MTHFD2L: variants seen among roughly 807,000 people sequenced by gnomAD.
MTHFD2L encodes the protein bifunctional methylenetetrahydrofolate dehydrogenase/cyclohydrolase 2, mitochondrial.
MTHFD2L carries 29 observed loss-of-function variants against 34.9 expected under a neutral mutation model. The ratio of observed to expected loss-of-function variants is 0.83; its 90% confidence interval spans 0.62 to 1.13. The LOEUF (loss-of-function observed/expected upper bound fraction) is 1.13. Ranked by LOEUF, MTHFD2L falls within the 50% of genes most tolerant of loss-of-function variation. The pLI, the probability that MTHFD2L is intolerant of heterozygous loss-of-function variation, is 0.00. For synonymous variants in MTHFD2L, 167 were observed against 155.7 expected (o/e 1.07, Z -0.54); for missense variants, 481 against 446.5 (o/e 1.08, Z -0.70).
At chr4:74,249,577 G>A (rs1032842824) in intron 6 of MTHFD2L, among the ~76,000 whole-genome samples, 2 of 152,056 alleles carry the variant, frequency 1.3e-5, no homozygotes, top group African/African-American at 2.4e-5. Context: ...TCCTAATCTT[G>A]ATGGTCTTTA....
intron 1 of MTHFD2L, among the ~76,000 whole-genome samples, chr4:74,164,346 A>G (rs1393895957): frequency 2.0e-5 from 3 of 152,228 alleles, no homozygotes; most frequent in Middle Eastern, 3.2e-3. Context: ...GTGGAAGAGT[A>G]TTTTGATACA....
upstream of MTHFD2L, chr4:74,157,928 G>T (rs1370867411): frequency 1.1e-5 from 9 of 790,146 alleles, no homozygotes; most frequent in African/African-American, 1.7e-5. Flanking sequence ...TTGGGTCCTG[G>T]CCCCGCCCCC....
intron 6 of MTHFD2L, chr4:74,268,369 C>A: frequency 3.9e-6 from 2 of 516,786 alleles, no homozygotes; most frequent in Non-Finnish European, 5.0e-6. Flanking sequence ...AAGTGATCCA[C>A]CTGAGTAAGC....
chr4:74,226,047 T>C (rs1739112727), intron 6 of MTHFD2L, among the ~76,000 whole-genome samples: 1 of 152,068 alleles, frequency 6.6e-6, no homozygotes, highest in African/African-American at 2.4e-5. Flanking sequence ...TTTATAATAA[T>C]AAAAGCTGCC....
intron 5 of MTHFD2L, among the ~76,000 whole-genome samples, chr4:74,222,225 C>T (rs1041067978): frequency 7.9e-5 from 12 of 151,996 alleles, no homozygotes; most frequent in Admixed American, 4.6e-4. Flanking sequence ...CATTTGTCTG[C>T]GTTTTAGTCT....
chr4:74,197,765 A>G (rs1733739318), intron 3 of MTHFD2L, among the ~76,000 whole-genome samples: 1 of 152,320 alleles, frequency 6.6e-6, no homozygotes, highest in Admixed American at 6.5e-5. Context: ...TATGAAGATT[A>G]AAAGGAAATT....
At chr4:74,157,707 C>A, upstream of MTHFD2L, 1 of 459,440 alleles carries the variant, frequency 2.2e-6, no homozygotes, top group Non-Finnish European at 4.4e-6. Context: ...CCTATTACTT[C>A]TTTCCTGCTT....
intron 6 of MTHFD2L, among the ~76,000 whole-genome samples, 168 bp downstream of exon 6, chr4:74,225,562 A>G (rs1381601186): frequency 5.9e-5 from 9 of 152,162 alleles, no homozygotes; most frequent in Admixed American, 1.3e-4. Context: ...CATTGTGCCT[A>G]TGTTAGCATT....
chr4:74,157,880 C>T (rs1315006771), upstream of MTHFD2L: 9 of 653,872 alleles, frequency 1.4e-5, no homozygotes, highest in Middle Eastern at 2.4e-4. Context: ...GTCGCCAGGC[C>T]ACACTGCACG....
At chr4:74,266,329 A>G (rs765906095) in intron 6 of MTHFD2L, among the ~76,000 whole-genome samples, 5 of 152,128 alleles carry the variant, frequency 3.3e-5, no homozygotes, top group Non-Finnish European at 4.4e-5. Flanking sequence ...ATGCACTTGC[A>G]GAAGTGCTCC....
intron 3 of MTHFD2L, chr4:74,190,489 C>T (rs1578409376): frequency 1.0e-6 from 1 of 985,322 alleles, no homozygotes; most frequent in Non-Finnish European, 1.2e-6. Context: ...GGGTGGAGAA[C>T]CAGACCCACC....
intron 7 of MTHFD2L, chr4:74,288,612 C>T (rs1748491123): frequency 6.6e-6 from 1 of 152,168 alleles, no homozygotes; most frequent in African/African-American, 2.4e-5. Flanking sequence ...CCTCAGGGGA[C>T]AATCTCGTCA....
At chr4:74,125,282 A>C (rs961334976), upstream of MTHFD2L, among the ~76,000 whole-genome samples, 2 of 152,158 alleles carry the variant, frequency 1.3e-5, no homozygotes, top group African/African-American at 4.8e-5. Context: ...GCCTTTGGAA[A>C]AGTAAGTGGG....
chr4:74,191,288 G>T (rs1320190271), intron 3 of MTHFD2L, among the ~76,000 whole-genome samples: 1 of 151,740 alleles, frequency 6.6e-6, no homozygotes, highest in African/African-American at 2.4e-5. Context: ...GTAAATAAAT[G>T]ATTGAATTTT....
intron 6 of MTHFD2L, among the ~76,000 whole-genome samples, chr4:74,269,601 T>C (rs1393548142): frequency 2.0e-5 from 3 of 152,022 alleles, no homozygotes; most frequent in African/African-American, 4.8e-5. Flanking sequence ...AAATTATGTC[T>C]ACTTTCATTA....
intron 6 of MTHFD2L, among the ~76,000 whole-genome samples, chr4:74,266,586 A>G (rs949526935): frequency 9.9e-5 from 15 of 152,188 alleles, no homozygotes; most frequent in African/African-American, 3.4e-4. Flanking sequence ...TTGACTAGCA[A>G]CATCTCCCTG....
chr4:74,250,238 A>T (rs988947101), intron 6 of MTHFD2L, among the ~76,000 whole-genome samples: 6 of 152,100 alleles, frequency 3.9e-5, no homozygotes, highest in Admixed American at 1.3e-4. Context: ...AATTTTTAAG[A>T]ACATAAAGGA....
At chr4:74,267,052 A>C in intron 6 of MTHFD2L, 1 of 985,288 alleles carries the variant, frequency 1.0e-6, no homozygotes, top group Non-Finnish European at 1.2e-6. Context: ...TTCAACTAAT[A>C]TACCTCTCCT....
intron 5 of MTHFD2L, among the ~76,000 whole-genome samples, chr4:74,219,601 T>A (rs1309317977): frequency 6.6e-6 from 1 of 152,074 alleles, no homozygotes; most frequent in African/African-American, 2.4e-5. Flanking sequence ...ATGAGTTAAA[T>A]AAGAATAGGT....
Sources: allele counts gnomAD v4.1 joint callset (sites outside exome capture counted in the v4.1 genomes callset), GRCh38; gene constraint gnomAD v4.1.1; transcripts MANE v1.5; gene names NCBI Gene and HGNC (gene_info 2026-07-23, HGNC 2026-07-21).